Variants in PTPN11 observed in about 807,000 individuals in gnomAD.
The protein encoded by PTPN11 is protein tyrosine phosphatase non-receptor type 11.
A neutral mutation model predicts 78.8 loss-of-function variants in PTPN11; 6 were observed. That is an observed-to-expected ratio of 0.08 (90% CI 0.04 to 0.15). PTPN11 has a LOEUF of 0.15. PTPN11 is among the 10% of genes least tolerant of loss of function. The pLI is 1.00. For synonymous variants in PTPN11, 221 were observed against 263.5 expected, an observed-to-expected ratio of 0.84 and a Z score of 1.56; for missense variants, 386 against 744.8, an observed-to-expected ratio of 0.52 and a Z score of 5.61.
At position 112,482,388 on chromosome 12, in the gene PTPN11, C is replaced by G. The variant is rs1218598551; in HGVS notation, c.1224+183C>G. ...TTAAGCAGTACTGGTACATTGTGAACAAGGCAGGTAGTGTTCCTGCCCTCA... is the reference window on the plus strand; with the variant it reads ...TTAAGCAGTACTGGTACATTGTGAAGAAGGCAGGTAGTGTTCCTGCCCTCA... On this transcript the variant is annotated intron_variant, in intron 10 of 15. Coordinates refer to ENST00000351677, the MANE Select transcript of PTPN11 (RefSeq NM_002834.5). This position sits in a 1 kb window ranked among gnomAD's most constrained non-coding sequence, Gnocchi z 4.4. Among the ~76,000 whole-genome samples, 1 of 152,178 alleles carries G rather than the reference C, an allele frequency of 6.6e-6. No individual in the cohort carries two copies. Among genetic ancestry groups the G allele is most frequent in the Non-Finnish European group, 1.5e-5 (1 of 68,026 alleles).
chr12:112,486,966 C>T, intron 11 of PTPN11: 2 of 1,253,670 alleles, frequency 1.6e-6, no homozygotes, highest in Non-Finnish European at 2.1e-6. Flanking sequence ...TGCTTTGTAG[C>T]TGTTGACTGC....
At chr12:112,495,732 A>G (rs1592858845) in intron 13 of PTPN11, among the ~76,000 whole-genome samples, 1 of 152,198 alleles carries the variant, frequency 6.6e-6, no homozygotes, top group East Asian at 1.9e-4. Flanking sequence ...GCCTGCCTTG[A>G]ACGTATTCAG....
At chr12:112,494,652 T>C (rs944849328) in intron 13 of PTPN11, among the ~76,000 whole-genome samples, 3 of 152,200 alleles carry the variant, frequency 2.0e-5, no homozygotes, top group Non-Finnish European at 1.5e-5. Context: ...TGAAGAGCAG[T>C]ATTTTGAAAC....
intron 1 of PTPN11, among the ~76,000 whole-genome samples, chr12:112,430,442 A>C (rs554280993): frequency 6.7e-6 from 1 of 149,126 alleles, no homozygotes; most frequent in Non-Finnish European, 1.5e-5. Flanking sequence ...TTTTGTTTTT[A>C]TCTTGAGACA....
intron 6 of PTPN11, among the ~76,000 whole-genome samples, chr12:112,461,551 G>A (rs1022722747): frequency 6.6e-6 from 1 of 152,064 alleles, no homozygotes; most frequent in Admixed American, 6.6e-5. Flanking sequence ...GGTCTTGAAT[G>A]TCTGGGCTCA....
At chr12:112,484,952 TA>T (rs2135910307) in intron 10 of PTPN11, among the ~76,000 whole-genome samples, 1 of 152,036 alleles carries the variant, frequency 6.6e-6, no homozygotes, top group East Asian at 1.9e-4. Context: ...AGTGTCCTTT[TA>T]CATCCCTTTT....
intron 15 of PTPN11, among the ~76,000 whole-genome samples, chr12:112,505,532 A>C (rs1333581137): frequency 1.3e-5 from 2 of 151,564 alleles, no homozygotes; most frequent in African/African-American, 4.8e-5. Context: ...AAATTAGCTG[A>C]GCATGGTGGT....
chr12:112,427,287 C>T (rs985888363), intron 1 of PTPN11, among the ~76,000 whole-genome samples: 4 of 151,540 alleles, frequency 2.6e-5, no homozygotes, highest in African/African-American at 7.3e-5. Context: ...TGGCTCACAC[C>T]TGTAATCCCA....
chr12:112,438,519 T>C (rs368438647), intron 1 of PTPN11, among the ~76,000 whole-genome samples: 10 of 151,834 alleles, frequency 6.6e-5, no homozygotes, highest in South Asian at 2.1e-4. Context: ...TCTTGCTCTG[T>C]CCCCCAGATT....
rs374139819 is a variant in PTPN11, at chr12:112,475,751, C to G, written c.854-1900C>G. 1.2e-4 allele frequency among the ~76,000 whole-genome samples: 19 copies of G among 152,252 alleles called. No homozygotes were observed. The East Asian group carries it at 3.3e-3, about 26-fold the overall frequency. On this transcript the variant is annotated intron_variant, in intron 7 of 15. Coordinates refer to ENST00000351677, the MANE Select transcript of PTPN11 (RefSeq NM_002834.5). Reference sequence around the variant, plus strand: ...TCTTTGTGTGTGTCTATGCATGAAACATAGTCTTTCTCTTTCTGCATGCAT... The same window carrying G: ...TCTTTGTGTGTGTCTATGCATGAAAGATAGTCTTTCTCTTTCTGCATGCAT...
At position 112,419,002 on chromosome 12, in the gene PTPN11, C is replaced by A; in HGVS notation, c.-110C>A. 7.1e-7 allele frequency: 1 copy of A among 1,409,914 alleles called. No homozygotes were observed. Among genetic ancestry groups the A allele is most frequent in the Non-Finnish European group, 9.6e-7 (1 of 1,037,782 alleles). The allele number at this position is 1,409,914 out of a possible 1,614,324, so 87.3% of individuals were successfully genotyped here. ...GTCTGTGCGCGGCCGGCTGGCTCTG[C>A]CCCGCGTCCGGTCCCGAGCGGGCCT... On this transcript the variant is annotated 5_prime_UTR_variant, in exon 1 of 16. Coordinates refer to ENST00000351677, the MANE Select transcript of PTPN11 (RefSeq NM_002834.5).
At chr12:112,438,618 A>G (rs1366858195) in intron 1 of PTPN11, among the ~76,000 whole-genome samples, 1 of 152,022 alleles carries the variant, frequency 6.6e-6, no homozygotes, top group Non-Finnish European at 1.5e-5. Context: ...AGTAGCTGAG[A>G]CTGCAGGTGC....
chr12:112,492,078 T>A (rs1180669533), intron 13 of PTPN11, among the ~76,000 whole-genome samples: 1 of 152,242 alleles, frequency 6.6e-6, no homozygotes, highest in Non-Finnish European at 1.5e-5. Context: ...ATGACCTGGA[T>A]GTTTTTGAAG....
At position 112,508,990 on chromosome 12, in the gene PTPN11, T is replaced by C. The variant is rs1016839511; in HGVS notation, c.*3198T>C. ...GAGTTATTTTTAATTCAGGGGGATG[T>C]GGAAAGGTTTGCAATTGTCAAGTGT... On this transcript the variant is annotated 3_prime_UTR_variant, in exon 16 of 16. Coordinates refer to ENST00000351677, the MANE Select transcript of PTPN11 (RefSeq NM_002834.5). 2.0e-5 allele frequency: 3 copies of C among 152,216 alleles called. No homozygotes were observed. Among genetic ancestry groups the C allele is most frequent in the African/African-American group, 7.2e-5 (3 of 41,462 alleles). The allele number at this position is 152,216 out of a possible 1,614,324, so 9.4% of individuals were successfully genotyped here.
Position 112,453,406 on chromosome 12 carries a change from A to G in PTPN11, c.525+19A>G. The G allele has an allele frequency of 8.1e-6, 13 of 1,612,536 alleles. No homozygotes were observed. Among genetic ancestry groups the G allele is most frequent in the Non-Finnish European group, 1.1e-5 (13 of 1,178,890 alleles). On this transcript the variant is annotated intron_variant, in intron 4 of 15. Transcript: ENST00000351677. ...CTGTCAGGTAAATCTCCAGTTGAAA[A>G]ATGGGTCTGGCAAGATGTTACCTTT...
intron 13 of PTPN11, among the ~76,000 whole-genome samples, chr12:112,501,871 CAG>C (rs1183453644): frequency 7.9e-5 from 12 of 152,246 alleles, no homozygotes; most frequent in Non-Finnish European, 1.3e-4. Flanking sequence ...CTTGTAGAAA[CAG>C]GGACATTTGG....
intron 1 of PTPN11, among the ~76,000 whole-genome samples, chr12:112,432,776 T>C (rs948793469): frequency 6.6e-6 from 1 of 151,930 alleles, no homozygotes; most frequent in East Asian, 1.9e-4. Flanking sequence ...ACTCAGGAGT[T>C]TGAGACTAGT....
intron 1 of PTPN11, among the ~76,000 whole-genome samples, chr12:112,422,511 A>G (rs2037538035): frequency 6.6e-6 from 1 of 152,086 alleles, no homozygotes; most frequent in African/African-American, 2.4e-5. Context: ...TGAAATCCAT[A>G]CGCGACGATG....
At chr12:112,486,910 C>T (rs2038687220) in intron 11 of PTPN11, 2 of 1,384,206 alleles carry the variant, frequency 1.4e-6, no homozygotes, top group Non-Finnish European at 1.9e-6. Flanking sequence ...GTGCATTAAA[C>T]AACTTCATCC....
Sources: gnomAD v4.1 joint callset for allele counts (sites outside exome capture counted in the v4.1 genomes callset) on GRCh38, gnomAD v4.1.1 for gene constraint, Gnocchi (gnomAD v3.1) non-coding constraint, MANE v1.5 for transcripts, NCBI Gene and HGNC (gene_info 2026-07-23, HGNC 2026-07-21) for gene names.